KCNJ8: variants seen among roughly 807,000 people sequenced by gnomAD.
KCNJ8 encodes potassium inwardly rectifying channel subfamily J member 8.
A neutral mutation model predicts 28.2 loss-of-function variants in KCNJ8; 13 were observed. The observed-to-expected ratio is 0.46, with a 90% CI of 0.30 to 0.73. KCNJ8 has a LOEUF of 0.73. Among genes scored for constraint, KCNJ8 ranks in the 30% least tolerant of loss-of-function variants. KCNJ8 has a pLI of 0.07. For synonymous variants in KCNJ8, 188 were observed against 195.9 expected, an observed-to-expected ratio of 0.96 and a Z score of 0.34; for missense variants, 284 against 542.6, an observed-to-expected ratio of 0.52 and a Z score of 4.73.
intron 2 of KCNJ8, among the ~76,000 whole-genome samples, chr12:21,772,854 T>A (rs1183009012): frequency 6.6e-6 from 1 of 152,214 alleles, no homozygotes; most frequent in Admixed American, 6.5e-5. Context: ...TAGCACAATA[T>A]TTTTTGTTGA....
At position 21,765,666 on chromosome 12, in the gene KCNJ8, G is replaced by C. The variant is rs945310210; in HGVS notation, c.*57C>G. 5.5e-6 allele frequency: 8 copies of C among 1,443,284 alleles called. No individual in the cohort carries two copies. The African/African-American group carries it at 8.4e-5, about 15-fold the overall frequency. The allele number at this position is 1,443,284 out of a possible 1,614,324, so 89.4% of individuals were successfully genotyped here. On this transcript the variant is annotated 3_prime_UTR_variant, in exon 3 of 3. Transcript: ENST00000240662. Reference sequence around the variant, plus strand: ...GTTCCAGCTCTGGTTCAGTCTGGCAGTGCCCAGCATAAACCGTCAAAACTT... The same window carrying C: ...GTTCCAGCTCTGGTTCAGTCTGGCACTGCCCAGCATAAACCGTCAAAACTT...
rs190247085 is a variant in KCNJ8 at position 21,767,875 on chromosome 12, G to A, written c.375-1252C>T. Among the ~76,000 whole-genome samples, 10 of 152,268 alleles carry A rather than the reference G, an allele frequency of 6.6e-5. No homozygotes were observed. The East Asian group carries it at 1.9e-3, about 29-fold the overall frequency. The stretch of plus-strand genomic sequence containing the variant: ...TTCAAAACGTGCTCACTTTGTGTCT[G>A]TGTGTCACATTTTGGTAATTCTCAC... On this transcript the variant is annotated intron_variant, in intron 2 of 2. Coordinates refer to ENST00000240662, the MANE Select transcript of KCNJ8 (RefSeq NM_004982.4).
rs7310043 is a variant in KCNJ8 at position 21,765,468 on chromosome 12, A to G, written c.*255T>C. 1 of 527,088 alleles carries G rather than the reference A, an allele frequency of 1.9e-6. No homozygotes were observed. Among genetic ancestry groups the G allele is most frequent in the Non-Finnish European group, 3.4e-6 (1 of 292,194 alleles). The allele number at this position is 527,088 out of a possible 1,614,324, so 32.7% of individuals were successfully genotyped here. A position where few individuals can be genotyped will look rare whatever the true frequency, so the allele number is the denominator to read the frequency against. On this transcript the variant is annotated 3_prime_UTR_variant, in exon 3 of 3. Transcript: ENST00000240662. The stretch of plus-strand genomic sequence containing the variant: ...GTGTTTCAAATTGAGAGAAACGAGC[A>G]TACCCACCCCTGCACATAACTTAAG...
In KCNJ8 at chr12:21,773,479, C is replaced by A. The variant is rs568067955; in HGVS notation, c.138G>T (p.Ala46=). The A allele has an allele frequency of 2.2e-5, 36 of 1,614,264 alleles. No individual in the cohort carries two copies. The African/African-American group carries it at 2.5e-4, about 11-fold the overall frequency. ...FIAKSGACNL[A]HKNIREQGRF... is the part of the protein sequence containing the mutation. ...GTCCTTGCTCACGGATGTTCTTATG[C>A]GCCAGGTTGCAGGCCCCGCTCTTGG... The change falls in exon 2 of 3, where the codon GCG becomes GCT. Residue 46 remains alanine (A), a synonymous_variant. Transcript: ENST00000240662. This position sits in a 1 kb window ranked among gnomAD's most constrained non-coding sequence, Gnocchi z 4.6.
At position 21,765,929 on chromosome 12, in the gene KCNJ8, C is replaced by G. The variant is rs188570294; in HGVS notation, c.1069G>C (p.Glu357Gln). 6.2e-7 allele frequency: 1 copy of G among 1,614,214 alleles called. No individual in the cohort carries two copies. The highest frequency in any genetic ancestry group is 2.2e-5 in the East Asian group (1 of 44,878). Residue 357 changes from glutamate (E) to glutamine (Q), a missense_variant, in exon 3 of 3, where the codon GAG (glutamate) becomes CAG (glutamine). Physicochemically the swap from Glu to Gln is conservative, Grantham distance 29. Around this residue, in one of 8 missense-constraint regions of KCNJ8, gnomAD observed 107 missense variants for 235.6 expected, o/e 0.45. Transcript: ENST00000240662. The stretch of plus-strand genomic sequence containing the variant: ...AGGATGGAAGGTTTCTCATCCAGCT[C>G]TCGGGCACTGCACCGTGGAGCAGCT... ...KVAAPRCSAR[E>Q]LDEKPSILIQ...
In KCNJ8 at chr12:21,765,390, C is replaced by A; in HGVS notation, c.*333G>T. The A allele has an allele frequency of 5.2e-6, 2 of 381,252 alleles. No homozygotes were observed. The highest frequency in any genetic ancestry group is 6.3e-5 in the East Asian group (1 of 15,916). The allele number at this position is 381,252 out of a possible 1,614,324, so 23.6% of individuals were successfully genotyped here. On this transcript the variant is annotated 3_prime_UTR_variant, in exon 3 of 3. Coordinates refer to ENST00000240662, the MANE Select transcript of KCNJ8 (RefSeq NM_004982.4). ...ACCAACTAAGCATTTCAAACAGACT[C>A]ATTTCTTGACCAAATTTTGTGCTCA...
rs1442811095 is a variant in KCNJ8 at position 21,766,299 on chromosome 12, T to C, written c.699A>G (p.Thr233=). 6.2e-7 allele frequency: 1 copy of C among 1,614,164 alleles called. No individual in the cohort carries two copies. Among genetic ancestry groups the C allele is most frequent in the Non-Finnish European group, 8.5e-7 (1 of 1,180,018 alleles). ...ASVRIQVVKK[T]TTPEGEVVPI... Reference sequence around the variant, plus strand: ...GAACCACCTCCCCTTCAGGTGTAGTTGTTTTCTTGACCACCTGGATGCGCA... The same window carrying C: ...GAACCACCTCCCCTTCAGGTGTAGTCGTTTTCTTGACCACCTGGATGCGCA... Residue 233 remains threonine (T), a synonymous_variant, in exon 3 of 3, where the codon ACA becomes ACG. Transcript: ENST00000240662. This position sits in a 1 kb window ranked among gnomAD's most constrained non-coding sequence, Gnocchi z 6.5.
chr12:21,773,637 C>A lies in KCNJ8; in HGVS notation c.-21G>T. 6.2e-7 allele frequency: 1 copy of A among 1,610,174 alleles called. No individual in the cohort carries two copies. Among genetic ancestry groups the A allele is most frequent in the Non-Finnish European group, 8.5e-7 (1 of 1,179,998 alleles). On this transcript the variant is annotated 5_prime_UTR_variant, in exon 2 of 3. Transcript: ENST00000240662. The surrounding 1 kb of genome is among the most constrained non-coding windows in gnomAD (Gnocchi z 4.6). ...AACATCGTCCTGTCACCATAGCCAG[C>A]TTAGCCACCTCCCTCTCACCTGCCT...
rs1289677911 is a variant in KCNJ8, at chr12:21,765,434, G to A, written c.*289C>T. On this transcript the variant is annotated 3_prime_UTR_variant, in exon 3 of 3. Coordinates refer to ENST00000240662, the MANE Select transcript of KCNJ8 (RefSeq NM_004982.4). ...GTGCTCAAGGCCTGTTACTATTAGT[G>A]TAATTCTTGTGTTTCAAATTGAGAG... 1 of 459,464 alleles carries A rather than the reference G, an allele frequency of 2.2e-6. No homozygotes were observed. The allele number at this position is 459,464 out of a possible 1,614,324, so 28.5% of individuals were successfully genotyped here.
At chr12:21,769,558 T>C (rs1277941236) in intron 2 of KCNJ8, among the ~76,000 whole-genome samples, 1 of 152,172 alleles carries the variant, frequency 6.6e-6, no homozygotes, top group Non-Finnish European at 1.5e-5. Context: ...ATTGCTGACA[T>C]AGATAGTGAG....
Position 21,765,565 on chromosome 12 carries a change from T to C in KCNJ8, c.*158A>G. 3 of 701,638 alleles carry C rather than the reference T, an allele frequency of 4.3e-6. No individual in the cohort carries two copies. The highest frequency in any genetic ancestry group is 7.6e-6 in the Non-Finnish European group (3 of 395,578). The allele number at this position is 701,638 out of a possible 1,614,324, so 43.5% of individuals were successfully genotyped here. ...ATCCTCCACTTGGTGTGTTACTTTT[T>C]ATTACTACAGAAAGTGCTGTTGCTT... On this transcript the variant is annotated 3_prime_UTR_variant, in exon 3 of 3. Transcript: ENST00000240662.
chr12:21,770,532 AG>A (rs113824429), intron 2 of KCNJ8, among the ~76,000 whole-genome samples: 4,436 of 152,248 alleles, frequency 0.029, 222 homozygotes, highest in African/African-American at 0.1. Flanking sequence ...AAAGAAGCAG[AG>A]GGAAGGAACC....
chr12:21,767,612 G>C (rs898083856), intron 2 of KCNJ8, among the ~76,000 whole-genome samples: 1 of 151,974 alleles, frequency 6.6e-6, no homozygotes, highest in Non-Finnish European at 1.5e-5. Flanking sequence ...TTGGCGTTCC[G>C]CAAAACCAGT....
intron 2 of KCNJ8, among the ~76,000 whole-genome samples, chr12:21,772,456 A>G (rs1331994884): frequency 6.6e-6 from 1 of 152,218 alleles, no homozygotes; most frequent in African/African-American, 2.4e-5. Context: ...AATCACTGAA[A>G]TCAATTTACC....
At chr12:21,767,413 G>A (rs1346494934) in intron 2 of KCNJ8, among the ~76,000 whole-genome samples, 3 of 143,220 alleles carry the variant, frequency 2.1e-5, no homozygotes, top group South Asian at 2.2e-4. Context: ...CAGCATTACC[G>A]CCAGAGCTCT....
Position 21,773,592 on chromosome 12 carries a change from G to C in KCNJ8, c.25C>G (p.Pro9Ala), listed in dbSNP as rs1247168685. The C allele has an allele frequency of 6.2e-7, 1 of 1,613,508 alleles. No individual in the cohort carries two copies. The highest frequency in any genetic ancestry group is 8.5e-7 in the Non-Finnish European group (1 of 1,180,046). ...ATGCGCGCCAGCACATACTCCTCCG[G>C]GATGATACTCTTTCTGGCCAACATC... MLARKSII[P>A]EEYVLARIAA... The change falls in exon 2 of 3, where the codon CCG (proline) becomes GCG (alanine). Residue 9 changes from proline (P) to alanine (A), a missense_variant. This residue lies in a region of KCNJ8 where 54 missense variants were observed against 77.5 expected (regional missense o/e 0.70). Coordinates refer to ENST00000240662, the MANE Select transcript of KCNJ8 (RefSeq NM_004982.4). The surrounding 1 kb of genome is among the most constrained non-coding windows in gnomAD (Gnocchi z 4.6).
chr12:21,773,088 G>A lies in KCNJ8; in HGVS notation c.374+155C>T, dbSNP rs1940798601. Among the ~76,000 whole-genome samples the A allele has an allele frequency of 6.6e-6, 1 of 152,136 alleles. No individual in the cohort carries two copies. The highest frequency in any genetic ancestry group is 1.5e-5 in the Non-Finnish European group (1 of 68,024). ...CATTTAAAAAATACTTACTGTGTTA[G>A]GTGTTGTTCTTTATTGTGCTTTTTT... On this transcript the variant is annotated intron_variant, in intron 2 of 2. Transcript: ENST00000240662. This position sits in a 1 kb window ranked among gnomAD's most constrained non-coding sequence, Gnocchi z 4.6.
chr12:21,772,071 T>C (rs758736695), intron 2 of KCNJ8, among the ~76,000 whole-genome samples: 6 of 152,222 alleles, frequency 3.9e-5, no homozygotes, highest in Admixed American at 6.5e-5. Context: ...TGCGCACTAA[T>C]GCTGCCTTCC....
chr12:21,768,661 T>G (rs1940690908), intron 2 of KCNJ8, among the ~76,000 whole-genome samples: 1 of 152,202 alleles, frequency 6.6e-6, no homozygotes, highest in African/African-American at 2.4e-5. Context: ...AGAAAAAGTT[T>G]TGAAAAAAAT....
Sources: allele counts gnomAD v4.1 joint callset (sites outside exome capture counted in the v4.1 genomes callset), GRCh38; gene constraint gnomAD v4.1.1; regional missense constraint gnomAD v4.1.1; non-coding constraint Gnocchi (gnomAD v3.1); transcripts MANE v1.5; gene names NCBI Gene and HGNC (gene_info 2026-07-23, HGNC 2026-07-21).